ATP11C: variants seen among roughly 807,000 people sequenced by gnomAD.
ATP11C encodes ATPase phospholipid transporting 11C (ATP11C blood group).
A neutral mutation model predicts 97.4 loss-of-function variants in ATP11C; 36 were observed. The observed-to-expected ratio is 0.37, with a 90% CI of 0.28 to 0.49. ATP11C has a LOEUF of 0.49. ATP11C is among the 20% of genes least tolerant of loss of function. ATP11C has a pLI of 0.98. For missense variants in ATP11C, 730 were observed against 824.6 expected (o/e 0.89, Z 1.40); for synonymous variants, 275 against 290.9 (o/e 0.95, Z 0.56).
Position 139,788,193 on chromosome X carries a change from T to G in ATP11C, c.1519A>C (p.Arg507=). 8.3e-7 allele frequency: 1 copy of G among 1,200,320 alleles called. No homozygotes were observed. The highest frequency in any genetic ancestry group is 2.4e-4 in the Middle Eastern group (1 of 4,235). ...GAAGTATAAGAAAGTATACTTTACC[T>G]TTTAGCTCCTTTCACCAAAGCTATT... ...DEIALVKGAK[R]YGFTFLGNRN... Residue 507 remains arginine (R), a splice_region_variant and synonymous_variant, in exon 14 of 30, where the codon AGG becomes CGG. Coordinates refer to ENST00000682941, the MANE Select transcript of ATP11C (RefSeq NM_001353812.2).
chrX:139,898,060 T>C (rs1392288631), intron 1 of ATP11C, among the ~76,000 whole-genome samples: 1 of 111,792 alleles, frequency 8.9e-6, no homozygotes, highest in African/African-American at 3.3e-5. Flanking sequence ...GAGCAAGTAC[T>C]ATCACTTGCT....
At chrX:139,865,766 A>T (rs765134575) in intron 1 of ATP11C, among the ~76,000 whole-genome samples, 7 of 111,215 alleles carry the variant, frequency 6.3e-5, no homozygotes, top group South Asian at 3.8e-4. Context: ...GTCCCCAAAA[A>T]AAATAAATAA....
Position 139,892,165 on chromosome X carries a change from G to T in ATP11C, c.27+39851C>A, listed in dbSNP as rs140695828. 5.2e-4 allele frequency among the ~76,000 whole-genome samples: 58 copies of T among 111,534 alleles called. No homozygotes were observed. The East Asian group carries it at 0.016, about 30-fold the overall frequency. ...AGCTACTGCACCCGGCCTAGTAATA[G>T]ATTTTTAAAATAAAGGTTCCAGAGA... On this transcript the variant is annotated intron_variant, in intron 1 of 29. Coordinates refer to ENST00000682941, the MANE Select transcript of ATP11C (RefSeq NM_001353812.2).
intron 5 of ATP11C, among the ~76,000 whole-genome samples, chrX:139,806,933 C>T (rs1024320440): frequency 4.5e-5 from 5 of 111,007 alleles, no homozygotes; most frequent in African/African-American, 1.3e-4. Flanking sequence ...CAAAAGTGAC[C>T]TGCTACAGGG....
At chrX:139,742,396 C>T (rs991985827) in intron 26 of ATP11C, among the ~76,000 whole-genome samples, 1 of 111,309 alleles carries the variant, frequency 9.0e-6, no homozygotes, top group African/African-American at 3.3e-5. Context: ...ATTGTAATGT[C>T]CTTTTAAGGT....
chrX:139,737,492 G>A (rs1490569356), intron 28 of ATP11C, among the ~76,000 whole-genome samples: 1 of 110,663 alleles, frequency 9.0e-6, no homozygotes, highest in Admixed American at 9.6e-5. Context: ...ATTAAAGGAA[G>A]GGGAAAGGTT....
chrX:139,931,478 C>T (rs977781133), intron 1 of ATP11C, among the ~76,000 whole-genome samples: 118 of 112,145 alleles, frequency 1.1e-3, no homozygotes, highest in Non-Finnish European at 1.8e-3. Flanking sequence ...TAGGCTGGGT[C>T]TCCAAAGTTT....
chrX:139,829,225 T>G (rs2083593345), intron 1 of ATP11C, among the ~76,000 whole-genome samples: 1 of 111,263 alleles, frequency 9.0e-6, no homozygotes, highest in Admixed American at 9.6e-5. Flanking sequence ...AGGTTTGGGT[T>G]GAGACGTGCC....
At chrX:139,831,917 A>T (rs1312905402) in intron 1 of ATP11C, among the ~76,000 whole-genome samples, 2 of 111,233 alleles carry the variant, frequency 1.8e-5, no homozygotes, top group African/African-American at 6.5e-5. Flanking sequence ...CACCCTACCC[A>T]TCTCTACACA....
chrX:139,733,182 T>A (rs957988497), intron 28 of ATP11C, among the ~76,000 whole-genome samples: 4 of 111,971 alleles, frequency 3.6e-5, no homozygotes, highest in Non-Finnish European at 1.9e-5. Context: ...TTTACCTGGG[T>A]AAGGTATTAT....
chrX:139,876,836 T>C (rs1308763531), intron 1 of ATP11C, among the ~76,000 whole-genome samples: 1 of 112,115 alleles, frequency 8.9e-6, no homozygotes, highest in Non-Finnish European at 1.9e-5. Flanking sequence ...CCTTGGCAAT[T>C]TGCTTAAATG....
rs557039822 is a variant in ATP11C, at chrX:139,780,556, C to T, written c.1952+1991G>A. On this transcript the variant is annotated intron_variant, in intron 18 of 29. Transcript: ENST00000682941. ...ACAAACTAGGCATCAAAGAAACATACCTCAAAATAATAAGAACCCTACATG... is the reference window on the plus strand; with the variant it reads ...ACAAACTAGGCATCAAAGAAACATATCTCAAAATAATAAGAACCCTACATG... Among the ~76,000 whole-genome samples the T allele has an allele frequency of 1.4e-4, 15 of 108,855 alleles. No homozygotes were observed. The South Asian group carries it at 5.5e-3, about 40-fold the overall frequency. The allele number at this position is 108,855 out of a possible 115,157, so 94.5% of individuals were successfully genotyped here. A position where few individuals can be genotyped will look rare whatever the true frequency, so the allele number is the denominator to read the frequency against.
chrX:139,803,796 T>A (rs1196947524), intron 6 of ATP11C, among the ~76,000 whole-genome samples: 1 of 95,684 alleles, frequency 1.0e-5, no homozygotes, highest in Non-Finnish European at 2.0e-5. Context: ...TCTCCCGGGC[T>A]CAAGCAATTC....
chrX:139,884,801 T>C (rs1184175590), intron 1 of ATP11C, among the ~76,000 whole-genome samples: 2 of 112,251 alleles, frequency 1.8e-5, no homozygotes. Context: ...TAAGTCTCCT[T>C]TGCCATCTTC....
chrX:139,856,311 C>T (rs888517073), intron 1 of ATP11C, among the ~76,000 whole-genome samples: 3 of 112,965 alleles, frequency 2.7e-5, no homozygotes, highest in Non-Finnish European at 5.6e-5. Context: ...GGCCATCCAG[C>T]TTCCGTCTCC....
chrX:139,840,825 C>T (rs747760069), intron 1 of ATP11C, among the ~76,000 whole-genome samples: 1 of 109,454 alleles, frequency 9.1e-6, no homozygotes, highest in African/African-American at 3.3e-5. Context: ...GGAGAAATAT[C>T]ACTAACCTAT....
intron 1 of ATP11C, among the ~76,000 whole-genome samples, chrX:139,834,830 TCCTGGTTATTCA>T (rs1285385137): frequency 8.9e-6 from 1 of 111,784 alleles, no homozygotes; most frequent in East Asian, 2.8e-4. Flanking sequence ...CCACCCCTCC[TCCTGGTTATTCA>T]CAATGCATAC....
At chrX:139,843,145 C>G (rs2083859963) in intron 1 of ATP11C, among the ~76,000 whole-genome samples, 1 of 112,194 alleles carries the variant, frequency 8.9e-6, no homozygotes, top group Non-Finnish European at 1.9e-5. Context: ...ATTGGCGAAC[C>G]CTTACAAACT....
At chrX:139,885,914 A>G (rs1161034110) in intron 1 of ATP11C, among the ~76,000 whole-genome samples, 1 of 111,558 alleles carries the variant, frequency 9.0e-6, no homozygotes, top group Non-Finnish European at 1.9e-5. Context: ...AAAAACTTAC[A>G]GCTAACTCAT....
Sources: gnomAD v4.1 joint callset for allele counts (sites outside exome capture counted in the v4.1 genomes callset) on GRCh38, gnomAD v4.1.1 for gene constraint, MANE v1.5 for transcripts, NCBI Gene and HGNC (gene_info 2026-07-23, HGNC 2026-07-21) for gene names.